The following TYW1 variants were observed in gnomAD, a reference collection of about 807,000 sequenced individuals.
TYW1 encodes the protein S-adenosyl-L-methionine-dependent tRNA 4-demethylwyosine synthase TYW1.
In TYW1, 46 loss-of-function variants were observed where a neutral mutation model predicts 96.2. The observed-to-expected ratio is 0.48, with a 90% CI of 0.38 to 0.61. TYW1 has a LOEUF of 0.61. Ranked by LOEUF, TYW1 falls within the 20% of genes least tolerant of loss-of-function variation. The pLI is 0.00. For missense variants in TYW1, 684 were observed against 909.6 expected (o/e 0.75, Z 3.19); for synonymous variants, 274 against 323.0 (o/e 0.85, Z 1.63).
In TYW1 at chr7:66,996,961, C is replaced by T. The variant is rs758968696; in HGVS notation, c.-18C>T. On this transcript the variant is annotated 5_prime_UTR_variant, in exon 1 of 16. Coordinates refer to ENST00000359626, the MANE Select transcript of TYW1 (RefSeq NM_018264.4). ...TATCCAGGTCCGAGATCCTAGTCTC[C>T]TGTCGGCTCTGAGGAGGATGGGTAA... is the stretch of plus-strand genomic sequence containing the variant. The T allele has an allele frequency of 8.7e-6, 14 of 1,614,004 alleles. No homozygotes were observed. The East Asian group carries it at 2.9e-4, about 33-fold the overall frequency.
At chr7:67,089,536 C>G (rs1297295140) in intron 11 of TYW1, 1 of 691,046 alleles carries the variant, frequency 1.4e-6, no homozygotes, top group Non-Finnish European at 2.5e-6. Context: ...GAGTTCCCAC[C>G]CCATGACAAA....
At chr7:67,026,567 G>A (rs924654794) in intron 7 of TYW1, among the ~76,000 whole-genome samples, 9 of 151,914 alleles carry the variant, frequency 5.9e-5, no homozygotes, top group African/African-American at 2.2e-4. Context: ...ATTCTAGTAG[G>A]TCCTCTAGAC....
At chr7:67,117,890 AG>A (rs1433410916) in intron 13 of TYW1, among the ~76,000 whole-genome samples, 4 of 152,120 alleles carry the variant, frequency 2.6e-5, no homozygotes, top group African/African-American at 9.7e-5. Context: ...ATTTAAGGAG[AG>A]AGGTATATAT....
intron 7 of TYW1, among the ~76,000 whole-genome samples, chr7:67,032,575 C>T (rs574193133): frequency 2.0e-5 from 3 of 152,128 alleles, no homozygotes; most frequent in Admixed American, 6.6e-5. Flanking sequence ...GAGCTGAGAT[C>T]GTGCCACTGC....
intron 6 of TYW1, among the ~76,000 whole-genome samples, chr7:67,019,125 C>T (rs1293225437): frequency 6.6e-6 from 1 of 152,206 alleles, no homozygotes; most frequent in African/African-American, 2.4e-5. Flanking sequence ...ATCCCCTTCA[C>T]ATCAGCCTTC....
At chr7:67,218,193 A>G (rs1414073158) in intron 15 of TYW1, among the ~76,000 whole-genome samples, 1 of 151,956 alleles carries the variant, frequency 6.6e-6, no homozygotes, top group Non-Finnish European at 1.5e-5. Flanking sequence ...CTTTCAATCC[A>G]TGAACATGGG....
chr7:67,031,634 A>G (rs1794676890), intron 7 of TYW1, among the ~76,000 whole-genome samples: 1 of 73,120 alleles, frequency 1.4e-5, no homozygotes, highest in South Asian at 5.4e-4. Context: ...CCTTCTCAAA[A>G]ACAAAACAAA....
intron 13 of TYW1, among the ~76,000 whole-genome samples, chr7:67,156,121 A>G (rs1251953389): frequency 6.6e-6 from 1 of 152,114 alleles, no homozygotes; most frequent in African/African-American, 2.4e-5. Flanking sequence ...TGGATGGCAG[A>G]CAAAGATGCC....
chr7:67,223,599 G>A (rs76023751), intron 15 of TYW1, among the ~76,000 whole-genome samples: 4,508 of 151,028 alleles, frequency 0.03, 314 homozygotes, highest in East Asian at 0.18. Context: ...AGTCACTTAA[G>A]CTAGACAGGG....
intron 13 of TYW1, among the ~76,000 whole-genome samples, chr7:67,129,984 C>A (rs564441478): frequency 6.6e-6 from 1 of 151,790 alleles, no homozygotes; most frequent in Non-Finnish European, 1.5e-5. Context: ...ATCATTACTA[C>A]GTATTGAAAC....
chr7:67,187,486 A>G (rs539314988), intron 14 of TYW1, among the ~76,000 whole-genome samples: 4 of 152,360 alleles, frequency 2.6e-5, no homozygotes, highest in Admixed American at 6.5e-5. Context: ...ATGTCCTGCA[A>G]TGAATGTCAA....
intron 15 of TYW1, among the ~76,000 whole-genome samples, chr7:67,216,866 C>T (rs1801211101): frequency 6.6e-6 from 1 of 151,546 alleles, no homozygotes; most frequent in Admixed American, 6.6e-5. Context: ...TTTAATCTGT[C>T]ATATGAATAT....
At chr7:67,111,373 G>A (rs1797401061) in intron 12 of TYW1, among the ~76,000 whole-genome samples, 1 of 152,092 alleles carries the variant, frequency 6.6e-6, no homozygotes, top group Non-Finnish European at 1.5e-5. Flanking sequence ...GCTAATTTTT[G>A]TATTTTTAGA....
intron 13 of TYW1, among the ~76,000 whole-genome samples, chr7:67,149,466 T>TA (rs1409419706): frequency 6.6e-6 from 1 of 152,102 alleles, no homozygotes; most frequent in East Asian, 1.9e-4. Context: ...TTCCTAGGAA[T>TA]AAAAAAAATT....
At chr7:67,166,309 T>C (rs1193961535) in intron 13 of TYW1, among the ~76,000 whole-genome samples, 3 of 143,018 alleles carry the variant, frequency 2.1e-5, no homozygotes, top group Admixed American at 7.2e-5. Context: ...CAGTACTTTT[T>C]ATATATAATA....
chr7:67,103,546 C>G (rs879479864), intron 12 of TYW1, among the ~76,000 whole-genome samples: 1 of 152,168 alleles, frequency 6.6e-6, no homozygotes, highest in Non-Finnish European at 1.5e-5. Context: ...GGACTTGAGG[C>G]CTCTCCGAAT....
chr7:67,163,654 C>T (rs1799233224), intron 13 of TYW1, among the ~76,000 whole-genome samples: 1 of 150,530 alleles, frequency 6.6e-6, no homozygotes, highest in African/African-American at 2.5e-5. Flanking sequence ...AATTTCTGAT[C>T]TTTAAGCAGG....
intron 13 of TYW1, among the ~76,000 whole-genome samples, chr7:67,133,110 C>T (rs186110654): frequency 2.0e-5 from 3 of 152,192 alleles, no homozygotes; most frequent in Admixed American, 6.5e-5. Context: ...TCTATCCTCA[C>T]GAATACTTGG....
chr7:67,097,601 G>T (rs1318927954), intron 11 of TYW1, among the ~76,000 whole-genome samples: 1 of 152,152 alleles, frequency 6.6e-6, no homozygotes, highest in Non-Finnish European at 1.5e-5. Context: ...GTTTCACCAT[G>T]TTGCCAGGCT....
Sources: gnomAD v4.1 joint callset for allele counts (sites outside exome capture counted in the v4.1 genomes callset) on GRCh38, gnomAD v4.1.1 for gene constraint, MANE v1.5 for transcripts, NCBI Gene and HGNC (gene_info 2026-07-23, HGNC 2026-07-21) for gene names.